The following CNTN1 variants were observed in gnomAD, a reference collection of about 807,000 sequenced individuals.
CNTN1 encodes the protein contactin-1.
A neutral mutation model predicts 126.4 loss-of-function variants in CNTN1; 38 were observed. The ratio of observed to expected loss-of-function variants is 0.30; its 90% confidence interval spans 0.23 to 0.39. The LOEUF (loss-of-function observed/expected upper bound fraction) is 0.39. CNTN1 is among the 10% of genes least tolerant of loss of function. The pLI is 1.00. For synonymous variants in CNTN1, 413 were observed against 422.6 expected, an observed-to-expected ratio of 0.98 and a Z score of 0.28; for missense variants, 1,009 against 1,248.4, an observed-to-expected ratio of 0.81 and a Z score of 2.89.
intron 14 of CNTN1, among the ~76,000 whole-genome samples, chr12:40,948,607 CAGA>C (rs907912497): frequency 2.6e-5 from 4 of 152,144 alleles, no homozygotes; most frequent in Admixed American, 6.5e-5. Context: ...TAGAGGCTAA[CAGA>C]AGATTTGATA....
chr12:40,946,355 T>C (rs955608878), intron 14 of CNTN1, among the ~76,000 whole-genome samples: 4 of 152,130 alleles, frequency 2.6e-5, no homozygotes, highest in Non-Finnish European at 4.4e-5. Context: ...TCTTAGTGAA[T>C]ATATATATGT....
rs372976586 is a variant in CNTN1, at chr12:41,007,044, GGTTTTT to G, written c.2114-7183_2114-7178del. 1.7e-3 allele frequency among the ~76,000 whole-genome samples: 212 copies of G among 123,468 alleles called. 1 individual carries two copies. Among genetic ancestry groups the G allele is most frequent in the African/African-American group, 6.3e-3 (202 of 32,152 alleles). The allele number at this position is 123,468 out of a possible 152,430, so 81.0% of individuals were successfully genotyped here. Reference sequence around the variant, plus strand: ...TTGGCAGTTAAAAGCAGTTTTGTGTGGTTTTTTTTTTTTTTTTTTTTTTTTTTTTTT... The same window carrying G: ...TTGGCAGTTAAAAGCAGTTTTGTGTGTTTTTTTTTTTTTTTTTTTTTTTTT... On this transcript the variant is annotated intron_variant, in intron 17 of 23. Transcript: ENST00000551295.
chr12:40,877,014 A>G (rs1943690649), intron 1 of CNTN1, among the ~76,000 whole-genome samples: 1 of 152,128 alleles, frequency 6.6e-6, no homozygotes, highest in Admixed American at 6.6e-5. Flanking sequence ...ATTGCAATTA[A>G]TCACTTGGTT....
chr12:40,765,474 C>T (rs1430498875), intron 1 of CNTN1, among the ~76,000 whole-genome samples: 1 of 152,068 alleles, frequency 6.6e-6, no homozygotes, highest in African/African-American at 2.4e-5. Context: ...TGTATTTCAA[C>T]TTCAGAGATA....
At chr12:41,019,742 T>C (rs1193413138) in intron 19 of CNTN1, among the ~76,000 whole-genome samples, 2 of 152,194 alleles carry the variant, frequency 1.3e-5, no homozygotes, top group African/African-American at 2.4e-5. Flanking sequence ...ATGTTACAAC[T>C]TGTTTCAAAG....
At chr12:40,931,997 T>G (rs905259174) in intron 7 of CNTN1, among the ~76,000 whole-genome samples, 3 of 152,006 alleles carry the variant, frequency 2.0e-5, no homozygotes, top group Non-Finnish European at 4.4e-5. Context: ...CCTGAAGTAT[T>G]GAAACAGCCT....
At chr12:41,055,390 C>T (rs1463959539) in intron 23 of CNTN1, among the ~76,000 whole-genome samples, 1 of 151,964 alleles carries the variant, frequency 6.6e-6, no homozygotes, top group Non-Finnish European at 1.5e-5. Flanking sequence ...TATATTTTGC[C>T]CCATCTCTTC....
chr12:40,831,156 A>G (rs1384979080), intron 1 of CNTN1, among the ~76,000 whole-genome samples: 1 of 145,180 alleles, frequency 6.9e-6, no homozygotes, highest in African/African-American at 2.6e-5. Flanking sequence ...CTATAAATAT[A>G]TACTGTAAAT....
At chr12:40,850,306 T>C (rs1942670567) in intron 1 of CNTN1, among the ~76,000 whole-genome samples, 1 of 152,198 alleles carries the variant, frequency 6.6e-6, no homozygotes, top group Non-Finnish European at 1.5e-5. Context: ...TTGAAGTTTC[T>C]ATAGACTAGG....
intron 23 of CNTN1, among the ~76,000 whole-genome samples, chr12:41,058,662 G>A (rs2060919983): frequency 6.6e-6 from 1 of 152,042 alleles, no homozygotes; most frequent in South Asian, 2.1e-4. Flanking sequence ...ATGAAACTAT[G>A]ACTAAGGATG....
chr12:40,838,843 A>AT (rs1309589413), intron 1 of CNTN1, among the ~76,000 whole-genome samples: 8 of 150,850 alleles, frequency 5.3e-5, no homozygotes, highest in African/African-American at 1.9e-4. Flanking sequence ...TATCAATGCA[A>AT]GGATACATGA....
intron 1 of CNTN1, among the ~76,000 whole-genome samples, chr12:40,799,343 C>G (rs977775504): frequency 6.6e-6 from 1 of 151,302 alleles, no homozygotes; most frequent in African/African-American, 2.4e-5. Flanking sequence ...CTAAAATTAC[C>G]TGTATGACCA....
chr12:40,726,592 T>G (rs1210201288), intron 1 of CNTN1, among the ~76,000 whole-genome samples: 1 of 152,208 alleles, frequency 6.6e-6, no homozygotes, highest in African/African-American at 2.4e-5. Context: ...TACCTCCACC[T>G]GTTCCCACCC....
chr12:40,917,062 G>T (rs1176768305), intron 3 of CNTN1, among the ~76,000 whole-genome samples: 24 of 102,488 alleles, frequency 2.3e-4, no homozygotes, highest in East Asian at 3.1e-4. Flanking sequence ...TGGTGGGGGC[G>T]GGGGGGGGGG....
chr12:40,723,478 G>C (rs1942271977), intron 1 of CNTN1, among the ~76,000 whole-genome samples: 1 of 152,102 alleles, frequency 6.6e-6, no homozygotes, highest in Admixed American at 6.6e-5. Flanking sequence ...GGAACTAAGT[G>C]GAATATGGCT....
intron 19 of CNTN1, among the ~76,000 whole-genome samples, chr12:41,018,219 G>A (rs2120759861): frequency 6.6e-6 from 1 of 152,098 alleles, no homozygotes; most frequent in Non-Finnish European, 1.5e-5. Context: ...ATTTACCCTT[G>A]GCCAAGTTTC....
intron 23 of CNTN1, among the ~76,000 whole-genome samples, chr12:41,035,085 T>C (rs1164075656): frequency 1.3e-5 from 2 of 152,228 alleles, no homozygotes; most frequent in Non-Finnish European, 2.9e-5. Flanking sequence ...GTATCTAAAC[T>C]AACCTAGGTT....
intron 23 of CNTN1, among the ~76,000 whole-genome samples, chr12:41,041,716 G>A (rs894278285): frequency 6.6e-6 from 1 of 152,124 alleles, no homozygotes; most frequent in African/African-American, 2.4e-5. Context: ...GGTGTTTGTG[G>A]TATTCTCCAA....
At chr12:40,702,267 C>T (rs552545516) in intron 1 of CNTN1, among the ~76,000 whole-genome samples, 3 of 151,854 alleles carry the variant, frequency 2.0e-5, no homozygotes, top group Admixed American at 2.0e-4. Flanking sequence ...TTTTTGTGAG[C>T]TGTGTCAATA....
Sources: allele counts gnomAD v4.1 joint callset (sites outside exome capture counted in the v4.1 genomes callset), GRCh38; gene constraint gnomAD v4.1.1; transcripts MANE v1.5; gene names NCBI Gene and HGNC (gene_info 2026-07-23, HGNC 2026-07-21).